The following ELF2 variants were observed in gnomAD, a reference collection of about 807,000 sequenced individuals.
ELF2 encodes E74 like ETS transcription factor 2, also known as ETS-related transcription factor Elf-2.
In ELF2, 11 loss-of-function variants were observed where a neutral mutation model predicts 54.8. The ratio of observed to expected loss-of-function variants is 0.20; its 90% CI spans 0.13 to 0.33. The LOEUF (loss-of-function observed/expected upper bound fraction) is 0.33. Among genes scored for constraint, ELF2 ranks in the 10% least tolerant of loss-of-function variants. The pLI, the probability that ELF2 is intolerant of heterozygous loss-of-function variation, is 1.00. For missense variants in ELF2, 513 were observed against 703.0 expected, an observed-to-expected ratio of 0.73 and a Z score of 3.06; for synonymous variants, 203 against 245.1, an observed-to-expected ratio of 0.83 and a Z score of 1.61.
chr4:139,103,187 A>G lies in ELF2; in HGVS notation c.238+21977T>C, dbSNP rs772466745. Among the ~76,000 whole-genome samples the G allele has an allele frequency of 8.6e-4, 131 of 152,344 alleles. 1 individual carries two copies. Among genetic ancestry groups the G allele is most frequent in the Non-Finnish European group, 6.3e-4 (43 of 68,038 alleles). The stretch of plus-strand genomic sequence containing the variant: ...CAAGTTCTAGCTGTGATATTGTGAA[A>G]TATGTGTGAAATATATATATTTAGT... On this transcript the variant is annotated intron_variant, in intron 4 of 9. Transcript: ENST00000686138.
At chr4:139,087,107 C>T (rs1732060597) in intron 4 of ELF2, among the ~76,000 whole-genome samples, 1 of 152,192 alleles carries the variant, frequency 6.6e-6, no homozygotes, top group African/African-American at 2.4e-5. Context: ...TAGGTGTGAT[C>T]TGACTTAGGT....
chr4:139,150,679 C>A (rs1012379938), intron 1 of ELF2, among the ~76,000 whole-genome samples: 3 of 151,756 alleles, frequency 2.0e-5, no homozygotes, highest in Non-Finnish European at 4.4e-5. Flanking sequence ...AGAAAAAGAC[C>A]CATGCAAATT....
At chr4:139,071,741 T>A in intron 6 of ELF2, 125 bp downstream of exon 6, 1 of 884,686 alleles carries the variant, frequency 1.1e-6, no homozygotes, top group South Asian at 2.1e-5. Flanking sequence ...TCTTTGAGAA[T>A]ATCTGGTTAA....
At chr4:139,068,857 T>C (rs1460107179) in intron 6 of ELF2, among the ~76,000 whole-genome samples, 2 of 152,070 alleles carry the variant, frequency 1.3e-5, no homozygotes, top group African/African-American at 2.4e-5. Flanking sequence ...AATACATATA[T>C]ATACACACAC....
chr4:139,153,593 C>T lies in ELF2; in HGVS notation c.-251-14096G>A, dbSNP rs563904451. Among the ~76,000 whole-genome samples, 26 of 152,224 alleles carry T rather than the reference C, an allele frequency of 1.7e-4. No homozygotes were observed. The South Asian group carries it at 4.8e-3, about 28-fold the overall frequency. The stretch of plus-strand genomic sequence containing the variant: ...AATAGATAGCTGCAAAGATAAAAGG[C>T]CAGATACCTCACCAGGGGGCCTCTT... On this transcript the variant is annotated intron_variant, in intron 1 of 9. Transcript: ENST00000686138.
chr4:139,132,000 A>G (rs570782528), intron 3 of ELF2, among the ~76,000 whole-genome samples: 1 of 152,158 alleles, frequency 6.6e-6, no homozygotes, highest in Non-Finnish European at 1.5e-5. Context: ...TTCCATTTAT[A>G]TATTTATTTA....
At chr4:139,158,575 T>C (rs1740783386) in intron 1 of ELF2, among the ~76,000 whole-genome samples, 1 of 151,928 alleles carries the variant, frequency 6.6e-6, no homozygotes, top group Non-Finnish European at 1.5e-5. Context: ...AGGGGCGATA[T>C]TGTGGGGTTG....
intron 1 of ELF2, among the ~76,000 whole-genome samples, chr4:139,153,787 T>C (rs1402781610): frequency 6.6e-6 from 1 of 152,198 alleles, no homozygotes; most frequent in African/African-American, 2.4e-5. Flanking sequence ...AAAGGCATAC[T>C]TGACTGATTC....
chr4:139,177,442 G>C (rs1395555273), upstream of ELF2, among the ~76,000 whole-genome samples: 1 of 151,232 alleles, frequency 6.6e-6, no homozygotes, highest in Non-Finnish European at 1.5e-5. Flanking sequence ...ACCCCGCGGG[G>C]CCCCGCCGCC....
chr4:139,083,999 C>T, intron 4 of ELF2: 1 of 1,460,606 alleles, frequency 6.8e-7, no homozygotes, highest in Non-Finnish European at 9.3e-7. Context: ...CCCCCCTTTC[C>T]CCCAGCCGCC....
chr4:139,121,164 A>G (rs535174944), intron 4 of ELF2, among the ~76,000 whole-genome samples: 162 of 119,784 alleles, frequency 1.4e-3, no homozygotes, highest in African/African-American at 4.8e-3. Flanking sequence ...GCTGGAGTGC[A>G]GTGGCGCGAT....
intron 4 of ELF2, among the ~76,000 whole-genome samples, chr4:139,092,389 T>TAACATAACATAACATAACA (rs780205387): frequency 8.5e-6 from 1 of 116,960 alleles, no homozygotes; most frequent in African/African-American, 3.1e-5. Flanking sequence ...TAACATAACA[T>TAACATAACATAACATAACA]AACATAACAT....
intron 4 of ELF2, chr4:139,114,783 G>C: frequency 6.9e-7 from 1 of 1,443,002 alleles, no homozygotes; most frequent in Non-Finnish European, 9.3e-7. Flanking sequence ...TGAGGGGGCA[G>C]GGGAAGAGAC....
chr4:139,058,238 G>A lies in ELF2; in HGVS notation c.*745C>T, dbSNP rs570929793. 1 of 152,142 alleles carries A rather than the reference G, an allele frequency of 6.6e-6. No individual in the cohort carries two copies. Among genetic ancestry groups the A allele is most frequent in the African/African-American group, 2.4e-5 (1 of 41,498 alleles). 9.4% of individuals were successfully genotyped at this position (152,142 alleles called of 1,614,324 possible). On this transcript the variant is annotated 3_prime_UTR_variant, in exon 10 of 10. Coordinates refer to ENST00000686138, the MANE Select transcript of ELF2 (RefSeq NM_001331036.3). ...TAAACTACCATATAAAATGTTACAT[G>A]TATATTCTATAACAATACTGTGCTA... is the stretch of plus-strand genomic sequence containing the variant.
At chr4:139,158,190 T>G (rs1740745510) in intron 1 of ELF2, among the ~76,000 whole-genome samples, 1 of 151,836 alleles carries the variant, frequency 6.6e-6, no homozygotes, top group Non-Finnish European at 1.5e-5. Context: ...AGGTGCTCAG[T>G]GGGGGAGCTT....
chr4:139,151,747 C>T lies in ELF2; in HGVS notation c.-251-12250G>A, dbSNP rs868861373. 3.9e-5 allele frequency among the ~76,000 whole-genome samples: 6 copies of T among 152,234 alleles called. No homozygotes were observed. In the South Asian group the frequency reaches 6.2e-4, roughly 16 times the overall value. ...CCACCCAATATGTGAAAACTGATCA[C>T]GTGAATAGGTTCTTCAAAGTTTGTC... is the stretch of plus-strand genomic sequence containing the variant. On this transcript the variant is annotated intron_variant, in intron 1 of 9. Coordinates refer to ENST00000686138, the MANE Select transcript of ELF2 (RefSeq NM_001331036.3).
intron 4 of ELF2, among the ~76,000 whole-genome samples, chr4:139,095,382 G>A (rs547543658): frequency 6.6e-6 from 1 of 151,760 alleles, no homozygotes; most frequent in African/African-American, 2.4e-5. Flanking sequence ...ACAGAGTTTC[G>A]CCATGTTGGC....
chr4:139,170,828 C>T (rs959232509), intron 1 of ELF2, among the ~76,000 whole-genome samples: 4 of 151,816 alleles, frequency 2.6e-5, no homozygotes, highest in Admixed American at 2.6e-4. Context: ...TCACTGCAAC[C>T]TCCGCCTCCC....
chr4:139,149,229 G>C (rs2148880878), intron 1 of ELF2, among the ~76,000 whole-genome samples: 1 of 152,344 alleles, frequency 6.6e-6, no homozygotes, highest in South Asian at 2.1e-4. Flanking sequence ...GAAGAAAAAA[G>C]AGGGTTTGCT....
Sources: gnomAD v4.1 joint callset for allele counts (sites outside exome capture counted in the v4.1 genomes callset) on GRCh38, gnomAD v4.1.1 for gene constraint, MANE v1.5 for transcripts, NCBI Gene and HGNC (gene_info 2026-07-23, HGNC 2026-07-21) for gene names.